SGCZ: variants seen among roughly 807,000 people sequenced by gnomAD.
SGCZ encodes the protein sarcoglycan zeta.
In SGCZ, 40 loss-of-function variants were observed where a neutral mutation model predicts 41.3. That is an observed-to-expected ratio of 0.97 (90% confidence interval 0.75 to 1.26). The LOEUF is 1.26. Ranked by LOEUF, SGCZ falls within the 50% of genes most tolerant of loss-of-function variation. The pLI, the probability that SGCZ is intolerant of heterozygous loss-of-function variation, is 0.00. For synonymous variants in SGCZ, 206 were observed against 137.5 expected (o/e 1.50, Z -3.49); for missense variants, 552 against 369.8 (o/e 1.49, Z -4.04).
chr8:14,525,814 G>T (rs541130956), intron 2 of SGCZ, among the ~76,000 whole-genome samples: 1 of 152,220 alleles, frequency 6.6e-6, no homozygotes, highest in African/African-American at 2.4e-5. Flanking sequence ...ACAGGCACAG[G>T]ATGTAAATGA....
intron 2 of SGCZ, among the ~76,000 whole-genome samples, chr8:14,538,943 T>C (rs1348785747): frequency 1.3e-5 from 2 of 151,988 alleles, no homozygotes; most frequent in African/African-American, 2.4e-5. Context: ...GTTAATTTCA[T>C]GTGTCAGCTT....
intron 2 of SGCZ, among the ~76,000 whole-genome samples, chr8:14,426,951 G>A (rs1415048755): frequency 6.6e-6 from 1 of 151,890 alleles, no homozygotes; most frequent in African/African-American, 2.4e-5. Flanking sequence ...ATTTTACTGG[G>A]CAGTCACTTA....
intron 3 of SGCZ, among the ~76,000 whole-genome samples, chr8:14,246,293 G>A (rs1005266948): frequency 2.0e-5 from 3 of 152,164 alleles, no homozygotes; most frequent in Non-Finnish European, 2.9e-5. Context: ...CATGTCCTTT[G>A]TAGGGACACG....
intron 1 of SGCZ, among the ~76,000 whole-genome samples, chr8:14,580,100 C>A (rs1189679949): frequency 1.3e-5 from 2 of 152,208 alleles, no homozygotes; most frequent in Middle Eastern, 6.8e-3. Flanking sequence ...AAGGAAAGGT[C>A]CCGGAGAAAG....
chr8:14,356,176 T>C (rs750550114), intron 2 of SGCZ, among the ~76,000 whole-genome samples: 1 of 152,158 alleles, frequency 6.6e-6, no homozygotes, highest in Non-Finnish European at 1.5e-5. Flanking sequence ...TGTTCTGACA[T>C]GTTTAAAGCA....
chr8:14,090,640 A>G lies in SGCZ; in HGVS notation c.745-3T>C, dbSNP rs781209063. On this transcript the variant is annotated splice_polypyrimidine_tract_variant and splice_region_variant and intron_variant, in intron 7 of 7. Coordinates refer to ENST00000382080, the MANE Select transcript of SGCZ (RefSeq NM_139167.4). ...ATTGTCTCTGCATTTAAAAATATCT[A>G]TGGGAAAAAAGAAATTGCATTTTAA... 1.8e-5 allele frequency: 29 copies of G among 1,607,274 alleles called. No individual in the cohort carries two copies. The highest frequency in any genetic ancestry group is 2.2e-5 in the Non-Finnish European group (26 of 1,177,792).
At chr8:14,286,423 GAT>G (rs1800631519) in intron 3 of SGCZ, among the ~76,000 whole-genome samples, 1 of 151,772 alleles carries the variant, frequency 6.6e-6, no homozygotes. Context: ...AAATGACATA[GAT>G]AACTCAGCTG....
intron 3 of SGCZ, among the ~76,000 whole-genome samples, chr8:14,271,766 C>A (rs1425418342): frequency 2.6e-5 from 4 of 152,130 alleles, no homozygotes; most frequent in Non-Finnish European, 5.9e-5. Context: ...CTCAGCTGTC[C>A]AAGTGAAGAT....
At chr8:15,004,682 G>T (rs1472710036) in intron 1 of SGCZ, among the ~76,000 whole-genome samples, 1 of 151,972 alleles carries the variant, frequency 6.6e-6, no homozygotes, top group African/African-American at 2.4e-5. Flanking sequence ...ATTATCTCTT[G>T]GCAGAAATCT....
At chr8:14,412,221 T>C (rs566110620) in intron 2 of SGCZ, among the ~76,000 whole-genome samples, 1 of 152,230 alleles carries the variant, frequency 6.6e-6, no homozygotes, top group Non-Finnish European at 1.5e-5. Context: ...TCTATGATAT[T>C]GAGAAAAGAA....
chr8:14,257,488 A>AT (rs35855115), intron 3 of SGCZ, among the ~76,000 whole-genome samples: 3 of 151,028 alleles, frequency 2.0e-5, no homozygotes, highest in East Asian at 3.9e-4. Flanking sequence ...ACGTATGACA[A>AT]TTTTTTTTTT....
chr8:14,187,982 G>T (rs1197143273), intron 4 of SGCZ, among the ~76,000 whole-genome samples: 1 of 152,030 alleles, frequency 6.6e-6, no homozygotes, highest in East Asian at 1.9e-4. Flanking sequence ...GCTTAATAAG[G>T]TTAACAGCTG....
At chr8:15,191,310 A>T (rs1054146986) in intron 1 of SGCZ, among the ~76,000 whole-genome samples, 2 of 151,988 alleles carry the variant, frequency 1.3e-5, no homozygotes, top group South Asian at 2.1e-4. Context: ...CAAAAGGAAA[A>T]TTTTTTTATT....
intron 5 of SGCZ, among the ~76,000 whole-genome samples, chr8:14,108,945 T>C (rs923119505): frequency 1.3e-5 from 2 of 152,200 alleles, no homozygotes; most frequent in African/African-American, 2.4e-5. Flanking sequence ...CAATTCTGTG[T>C]TTCTATAAAT....
chr8:14,658,131 C>A (rs567773752), intron 1 of SGCZ, among the ~76,000 whole-genome samples: 2 of 152,182 alleles, frequency 1.3e-5, no homozygotes, highest in African/African-American at 2.4e-5. Flanking sequence ...TCTTGCCCCA[C>A]GCTCCTCCTC....
At chr8:15,224,344 C>T (rs1801701605) in intron 1 of SGCZ, among the ~76,000 whole-genome samples, 1 of 152,092 alleles carries the variant, frequency 6.6e-6, no homozygotes, top group East Asian at 1.9e-4. Context: ...CATCTGGTTT[C>T]TCATTTGCAA....
intron 1 of SGCZ, among the ~76,000 whole-genome samples, chr8:14,945,480 T>C (rs1319656707): frequency 6.6e-6 from 1 of 152,120 alleles, no homozygotes; most frequent in African/African-American, 2.4e-5. Context: ...CAAATTTTAA[T>C]GATTGGCAAG....
chr8:14,626,750 G>T (rs1206643948), intron 1 of SGCZ, among the ~76,000 whole-genome samples: 5 of 152,148 alleles, frequency 3.3e-5, no homozygotes, highest in Non-Finnish European at 5.9e-5. Context: ...GCATAAAAGA[G>T]ATCCTTCCTC....
At position 14,996,241 on chromosome 8, in the gene SGCZ, T is replaced by A. The variant is rs17120690; in HGVS notation, c.39+241344A>T. Among the ~76,000 whole-genome samples, 951 of 152,194 alleles carry A rather than the reference T, an allele frequency of 6.2e-3. 7 individuals are homozygous for A. The highest frequency in any genetic ancestry group is 0.022 in the African/African-American group (893 of 41,522). Reference sequence around the variant, plus strand: ...TATGTCAATGGTCATTACTGAGAAATACTAATCTATATAAAAATGCAGCAT... The same window carrying A: ...TATGTCAATGGTCATTACTGAGAAAAACTAATCTATATAAAAATGCAGCAT... On this transcript the variant is annotated intron_variant, in intron 1 of 7. Coordinates refer to ENST00000382080, the MANE Select transcript of SGCZ (RefSeq NM_139167.4).
Sources: allele counts gnomAD v4.1 joint callset (sites outside exome capture counted in the v4.1 genomes callset), GRCh38; gene constraint gnomAD v4.1.1; transcripts MANE v1.5; gene names NCBI Gene and HGNC (gene_info 2026-07-23, HGNC 2026-07-21).